The following ZER1 variants were observed in gnomAD, a reference collection of about 807,000 sequenced individuals.
ZER1 encodes zyg-11 related cell cycle regulator.
ZER1 carries 11 observed loss-of-function variants against 78.8 expected under a neutral mutation model. That is an observed-to-expected ratio of 0.14 (90% CI 0.09 to 0.23). The LOEUF is 0.23. ZER1 is among the 10% of genes least tolerant of loss of function. The pLI, the probability that ZER1 is intolerant of heterozygous loss-of-function variation, is 1.00. For missense variants in ZER1, 588 were observed against 996.9 expected (o/e 0.59, Z 5.52); for synonymous variants, 400 against 407.0 (o/e 0.98, Z 0.21).
At chr9:128,737,754 G>C (rs1863135483) in intron 13 of ZER1, among the ~76,000 whole-genome samples, 1 of 152,062 alleles carries the variant, frequency 6.6e-6, no homozygotes, top group Non-Finnish European at 1.5e-5. Flanking sequence ...CCAGGCTGGA[G>C]TGCAGTGGCG....
chr9:128,767,496 T>G (rs1864253443), intron 1 of ZER1, among the ~76,000 whole-genome samples: 1 of 152,034 alleles, frequency 6.6e-6, no homozygotes, highest in South Asian at 2.1e-4. Context: ...TACGCCCACC[T>G]CAGCCTCCCA....
chr9:128,739,648 C>T (rs1391979755), intron 13 of ZER1, among the ~76,000 whole-genome samples: 1 of 152,046 alleles, frequency 6.6e-6, no homozygotes, highest in Non-Finnish European at 1.5e-5. Context: ...TTTCTCCCCA[C>T]CCCTCCCCAC....
At chr9:128,744,924 C>T (rs926904920) in intron 8 of ZER1, among the ~76,000 whole-genome samples, 1 of 152,110 alleles carries the variant, frequency 6.6e-6, no homozygotes, top group Non-Finnish European at 1.5e-5. Flanking sequence ...TGATGGATGT[C>T]TGGGTGACTC....
chr9:128,749,066 G>A (rs1236327289), intron 8 of ZER1, among the ~76,000 whole-genome samples: 6 of 148,176 alleles, frequency 4.0e-5, no homozygotes, highest in African/African-American at 1.2e-4. Context: ...GGTGGCTCAC[G>A]CCTGTAATCC....
At chr9:128,735,498 G>T in intron 13 of ZER1, 67 bp from the exon 14 acceptor site, 1 of 1,475,376 alleles carries the variant, frequency 6.8e-7, no homozygotes, top group Non-Finnish European at 9.3e-7. Context: ...TCTTGTCTGA[G>T]GTTTCCTCCC....
chr9:128,758,082 A>G lies in ZER1; in HGVS notation c.-94-2423T>C, dbSNP rs561794984. On this transcript the variant is annotated intron_variant, in intron 1 of 15. Coordinates refer to ENST00000291900, the MANE Select transcript of ZER1 (RefSeq NM_006336.4). Reference sequence around the variant, plus strand: ...ACAAACTCCTGTTAACAGCTTGGATAAGGCTTACAATGTTTTTTTTTTTTA... The same window carrying G: ...ACAAACTCCTGTTAACAGCTTGGATGAGGCTTACAATGTTTTTTTTTTTTA... 2.2e-3 allele frequency among the ~76,000 whole-genome samples: 327 copies of G among 151,898 alleles called. 2 individuals carry two copies. Among genetic ancestry groups the G allele is most frequent in the Non-Finnish European group, 3.7e-3 (252 of 67,946 alleles).
chr9:128,735,412 G>T lies in ZER1; in HGVS notation c.2062C>A (p.Arg688Ser). The stretch of plus-strand genomic sequence containing the variant: ...GGAGAGATTCCCTGGGGAAGGAGGC[G>T]GAGAATTGGTTCAAATGACCTGCAG... Reference protein sequence around the residue: ...INYRSFEPILRLLPQGISPVS... With the variant: ...INYRSFEPILSLLPQGISPVS... The change falls in exon 14 of 16, where the codon CGC (arginine) becomes AGC (serine). Residue 688 changes from arginine to serine, a missense_variant. Arg to Ser is a moderately radical substitution (Grantham distance 110). Coordinates refer to ENST00000291900, the MANE Select transcript of ZER1 (RefSeq NM_006336.4). 2 of 1,613,998 alleles carry T rather than the reference G, an allele frequency of 1.2e-6. No homozygotes were observed. Among genetic ancestry groups the T allele is most frequent in the Non-Finnish European group, 1.7e-6 (2 of 1,179,960 alleles).
intron 15 of ZER1, among the ~76,000 whole-genome samples, chr9:128,731,805 C>T (rs949257815): frequency 3.9e-5 from 6 of 152,250 alleles, no homozygotes; most frequent in African/African-American, 1.4e-4. Context: ...ACTGACTGCA[C>T]ATCAGATTCC....
intron 8 of ZER1, among the ~76,000 whole-genome samples, chr9:128,745,522 T>A (rs1251737148): frequency 6.6e-6 from 1 of 151,856 alleles, no homozygotes; most frequent in African/African-American, 2.4e-5. Flanking sequence ...CATGCCTGGC[T>A]AATTTTTGTA....
chr9:128,751,424 G>C lies in ZER1; in HGVS notation c.1027C>G (p.Pro343Ala). Reference sequence around the variant, plus strand: ...CTTCCACTGCTCACTTTGTAGGCTGGAATGTGCGTGAGGCGGCACAGAGAG... The same window carrying C: ...CTTCCACTGCTCACTTTGTAGGCTGCAATGTGCGTGAGGCGGCACAGAGAG... ...ENSLCRLTHIPAYKVSGDKNE... is the reference protein window; with the variant it reads ...ENSLCRLTHIAAYKVSGDKNE... The change falls in exon 6 of 16, where the codon CCA becomes GCA. Residue 343 changes from proline (P) to alanine (A), a missense_variant. Pro to Ala is a conservative substitution (Grantham distance 27). Coordinates refer to ENST00000291900, the MANE Select transcript of ZER1 (RefSeq NM_006336.4). The surrounding 1 kb of genome is among the most constrained non-coding windows in gnomAD (Gnocchi z 5.4). The C allele has an allele frequency of 6.2e-7, 1 of 1,614,098 alleles. No homozygotes were observed. The highest frequency in any genetic ancestry group is 8.5e-7 in the Non-Finnish European group (1 of 1,180,032).
chr9:128,734,253 G>C (rs529707487), intron 14 of ZER1, among the ~76,000 whole-genome samples: 1 of 140,072 alleles, frequency 7.1e-6, no homozygotes, highest in African/African-American at 2.6e-5. Flanking sequence ...CTGGAGTGCA[G>C]TGGCACGATC....
At chr9:128,747,677 G>A (rs1239506965) in intron 8 of ZER1, among the ~76,000 whole-genome samples, 1 of 152,088 alleles carries the variant, frequency 6.6e-6, no homozygotes, top group African/African-American at 2.4e-5. Flanking sequence ...GCAGTGGCAC[G>A]ATCTCAGCTC....
chr9:128,753,911 G>A lies in ZER1; in HGVS notation c.207C>T (p.Ser69=), dbSNP rs1863773554. ...NAACNFEPHE[S]FFSLFSDPRS... ...GGGGGTCCGAAAAGAGGCTGAAGAA[G>A]CTCTCGTGTGGCTCGAAGTTACAGG... The change falls in exon 3 of 16, where the codon AGC becomes AGT. Residue 69 remains serine (S), a synonymous_variant. Transcript: ENST00000291900. The surrounding 1 kb of genome is among the most constrained non-coding windows in gnomAD (Gnocchi z 7.5). The A allele has an allele frequency of 6.3e-7, 1 of 1,597,262 alleles. No homozygotes were observed. Among genetic ancestry groups the A allele is most frequent in the Admixed American group, 1.7e-5 (1 of 57,224 alleles).
In ZER1 at chr9:128,733,410, A is replaced by G. The variant is rs745697603; in HGVS notation, c.2243+16T>C. 1.1e-5 allele frequency: 17 copies of G among 1,611,882 alleles called. No homozygotes were observed. In the Admixed American group the frequency reaches 1.3e-4, roughly 13 times the overall value. On this transcript the variant is annotated intron_variant, in intron 15 of 15. Coordinates refer to ENST00000291900, the MANE Select transcript of ZER1 (RefSeq NM_006336.4). ...AAACCAAGGTTCCAGGCAGAAACAC[A>G]CTGCTGGTCTCTTACCGGGCCATTT...
chr9:128,751,248 T>G lies in ZER1; in HGVS notation c.1059A>C (p.Glu353Asp). The change falls in exon 7 of 16, where the codon GAA becomes GAC. Residue 353 changes from glutamate (E) to aspartate (D), a missense_variant. By Grantham distance (45) the Glu-to-Asp change is conservative. This residue lies in a region of ZER1 where 406 missense variants were observed against 660.1 expected (regional missense o/e 0.62). Coordinates refer to ENST00000291900, the MANE Select transcript of ZER1 (RefSeq NM_006336.4). The surrounding 1 kb of genome is among the most constrained non-coding windows in gnomAD (Gnocchi z 5.4). ...PAYKVSGDKN[E>D]EQVLNAIEAY... ...CCTCGATGGCATTCAGCACCTGCTCTTCGTTTTTGTCACCACTTACCTGCG... is the reference window on the plus strand; with the variant it reads ...CCTCGATGGCATTCAGCACCTGCTCGTCGTTTTTGTCACCACTTACCTGCG... 6.3e-7 allele frequency: 1 copy of G among 1,598,316 alleles called. No homozygotes were observed. The highest frequency in any genetic ancestry group is 1.1e-5 in the South Asian group (1 of 90,646).
intron 13 of ZER1, among the ~76,000 whole-genome samples, chr9:128,737,436 A>C (rs1863124132): frequency 6.6e-6 from 1 of 152,154 alleles, no homozygotes; most frequent in South Asian, 2.1e-4. Flanking sequence ...CAACGCTACC[A>C]ATGTCAGCCT....
rs767172849 is a variant in ZER1, at chr9:128,753,319, C to T, written c.591G>A (p.Pro197=). Residue 197 remains proline (P), a synonymous_variant, in exon 4 of 16, where the codon CCG becomes CCA. Transcript: ENST00000291900. The surrounding 1 kb of genome is among the most constrained non-coding windows in gnomAD (Gnocchi z 7.5). ...DWVPVESLLR[P]LNSLAALDLS... ...GGTCCAAGGCAGCCAGGGAGTTAAG[C>T]GGCCGCAGCAGGGACTCCACAGGGA... The T allele has an allele frequency of 1.8e-5, 29 of 1,612,684 alleles. No individual in the cohort carries two copies. Among genetic ancestry groups the T allele is most frequent in the East Asian group, 6.7e-5 (3 of 44,854 alleles).
intron 1 of ZER1, among the ~76,000 whole-genome samples, chr9:128,761,960 A>AG (rs371410668): frequency 1 from 151,677 of 152,274 alleles, 75,545 homozygotes; most frequent in Middle Eastern, 1. Flanking sequence ...TGTGTAAACT[A>AG]GACTGGAACC....
chr9:128,764,560 C>T (rs942508975), intron 1 of ZER1, among the ~76,000 whole-genome samples: 2 of 152,208 alleles, frequency 1.3e-5, no homozygotes, highest in African/African-American at 4.8e-5. Flanking sequence ...CTAGCCTCCC[C>T]TTAGCAGTGT....
Sources: gnomAD v4.1 joint callset for allele counts (sites outside exome capture counted in the v4.1 genomes callset) on GRCh38, gnomAD v4.1.1 for gene constraint, gnomAD v4.1.1 regional missense constraint, Gnocchi (gnomAD v3.1) non-coding constraint, MANE v1.5 for transcripts, NCBI Gene and HGNC (gene_info 2026-07-23, HGNC 2026-07-21) for gene names.